MCTP2: variants seen among roughly 807,000 people sequenced by gnomAD.
MCTP2 encodes multiple C2 and transmembrane domain containing 2.
A neutral mutation model predicts 111.6 loss-of-function variants in MCTP2; 132 were observed. That is an observed-to-expected ratio of 1.18 (90% confidence interval 1.03 to 1.37). The LOEUF (loss-of-function observed/expected upper bound fraction) is 1.37, where lower values mean the gene tolerates loss of function less well. MCTP2 is among the 40% of genes most tolerant of loss of function. The pLI, the probability that MCTP2 is intolerant of heterozygous loss-of-function variation, is 0.00. For synonymous variants in MCTP2, 395 were observed against 387.7 expected, an observed-to-expected ratio of 1.02 and a Z score of -0.22; for missense variants, 1,183 against 1,067.9, an observed-to-expected ratio of 1.11 and a Z score of -1.50.
intron 10 of MCTP2, among the ~76,000 whole-genome samples, chr15:94,360,812 T>C (rs2078889213): frequency 6.6e-6 from 1 of 151,882 alleles, no homozygotes; most frequent in Non-Finnish European, 1.5e-5. Context: ...ATACCTGTCT[T>C]GGTGGTCATT....
intron 1 of MCTP2, among the ~76,000 whole-genome samples, chr15:94,254,439 C>T (rs1461796973): frequency 6.6e-6 from 1 of 152,146 alleles, no homozygotes; most frequent in Non-Finnish European, 1.5e-5. Context: ...CCCTTGATTT[C>T]TTCTTACATA....
At chr15:94,439,362 A>G (rs1226683621) in intron 17 of MCTP2, among the ~76,000 whole-genome samples, 2 of 152,060 alleles carry the variant, frequency 1.3e-5, no homozygotes, top group East Asian at 1.9e-4. Context: ...GATAACCACA[A>G]ATTACCTTAT....
intron 4 of MCTP2, 95 bp downstream of exon 4, chr15:94,315,732 A>G (rs1596337133): frequency 1.2e-6 from 1 of 856,468 alleles, no homozygotes; most frequent in Non-Finnish European, 1.9e-6. Flanking sequence ...ACATCACAGC[A>G]TGGTTTAGGA....
intron 8 of MCTP2, among the ~76,000 whole-genome samples, chr15:94,347,919 T>C (rs12916062): frequency 0.22 from 28,743 of 133,670 alleles, 3,155 homozygotes; most frequent in African/African-American, 0.33. Context: ...CACACACACA[T>C]ACACTCCCCA....
intron 8 of MCTP2, among the ~76,000 whole-genome samples, chr15:94,346,955 G>A (rs933290873): frequency 6.6e-6 from 1 of 151,920 alleles, no homozygotes; most frequent in Admixed American, 6.6e-5. Context: ...TTTGACTTCA[G>A]TGCACTGGGC....
At chr15:94,477,709 G>A (rs992026173) in intron 22 of MCTP2, among the ~76,000 whole-genome samples, 7 of 152,240 alleles carry the variant, frequency 4.6e-5, no homozygotes, top group Non-Finnish European at 8.8e-5. Context: ...GATCTGGGGC[G>A]GAAAAGCCTT....
Position 94,470,352 on chromosome 15 carries a change from CCCTT to C in MCTP2, c.2385_2388del (p.Leu796HisfsTer6), listed in dbSNP as rs775229907. On this transcript the variant is annotated frameshift_variant, in exon 21 of 23. Transcript: ENST00000357742. LOFTEE classifies it high-confidence loss of function. ...CTACAGCACATTTAACTGGACGGTC[CCCTT>C]CCTTTCATCTCTGGCCTGTTTGATT... The C allele has an allele frequency of 6.9e-6, 11 of 1,603,464 alleles. No individual in the cohort carries two copies. The highest frequency in any genetic ancestry group is 3.3e-5 in the South Asian group (3 of 90,822).
chr15:94,390,132 ACT>A (rs2080868952), intron 14 of MCTP2, among the ~76,000 whole-genome samples: 3 of 90,416 alleles, frequency 3.3e-5, no homozygotes, highest in African/African-American at 7.6e-5. Context: ...ATATATATAT[ACT>A]TAGATGTTTA....
intron 10 of MCTP2, among the ~76,000 whole-genome samples, chr15:94,362,085 G>T (rs1460246229): frequency 1.3e-5 from 2 of 152,130 alleles, no homozygotes; most frequent in African/African-American, 4.8e-5. Context: ...AGGTGCTTGG[G>T]TAAGATCAAC....
intron 18 of MCTP2, among the ~76,000 whole-genome samples, chr15:94,440,693 C>T (rs1044298491): frequency 1.3e-5 from 2 of 152,192 alleles, no homozygotes; most frequent in Non-Finnish European, 2.9e-5. Flanking sequence ...CTGGCCTTTC[C>T]ATGAAGGCAC....
chr15:94,383,228 A>G (rs2080255238), intron 12 of MCTP2, among the ~76,000 whole-genome samples: 2 of 152,188 alleles, frequency 1.3e-5, no homozygotes, highest in African/African-American at 4.8e-5. Context: ...CCATTTTTAC[A>G]CTTTTTCTCA....
chr15:94,303,946 G>T (rs1353913374), intron 2 of MCTP2, among the ~76,000 whole-genome samples: 2 of 152,182 alleles, frequency 1.3e-5, no homozygotes, highest in South Asian at 2.1e-4. Flanking sequence ...ACAACAGGAA[G>T]AGGAGGTAGA....
At position 94,329,020 on chromosome 15, in the gene MCTP2, C is replaced by A. The variant is rs149767282; in HGVS notation, c.638-10270C>A. Among the ~76,000 whole-genome samples, 752 of 152,232 alleles carry A rather than the reference C, an allele frequency of 4.9e-3. 6 individuals carry two copies. The highest frequency in any genetic ancestry group is 0.017 in the African/African-American group (723 of 41,526). The stretch of plus-strand genomic sequence containing the variant: ...AGTCACTAAGCTTTTTATGTGGAAG[C>A]TCAGGGCTCCAGGCACAAGGGTCCC... On this transcript the variant is annotated intron_variant, in intron 4 of 22. Transcript: ENST00000357742.
chr15:94,449,834 G>C (rs1298872428), intron 19 of MCTP2, among the ~76,000 whole-genome samples: 1 of 152,142 alleles, frequency 6.6e-6, no homozygotes, highest in African/African-American at 2.4e-5. Flanking sequence ...AGCTAAACCA[G>C]CAACTGCCAC....
chr15:94,461,764 T>C (rs2085225756), intron 20 of MCTP2, among the ~76,000 whole-genome samples: 1 of 152,050 alleles, frequency 6.6e-6, no homozygotes, highest in Middle Eastern at 3.2e-3. Flanking sequence ...GCAAGCAGGT[T>C]AAGTGGTTGG....
intron 12 of MCTP2, among the ~76,000 whole-genome samples, chr15:94,381,067 T>C (rs1253490315): frequency 6.6e-6 from 1 of 152,204 alleles, no homozygotes; most frequent in Non-Finnish European, 1.5e-5. Flanking sequence ...GTGAAATGGG[T>C]GGTACAAAGA....
Position 94,467,310 on chromosome 15 carries a change from C to T in MCTP2, c.2361-3023C>T, listed in dbSNP as rs1345943651. Reference sequence around the variant, plus strand: ...TTGCCACCTAGCTATGGATTTATGTCCAGGATCTGCCATCCACTGTGTCTC... The same window carrying T: ...TTGCCACCTAGCTATGGATTTATGTTCAGGATCTGCCATCCACTGTGTCTC... On this transcript the variant is annotated intron_variant, in intron 20 of 22. Transcript: ENST00000357742. Among the ~76,000 whole-genome samples, 3 of 152,064 alleles carry T rather than the reference C, an allele frequency of 2.0e-5. No individual in the cohort carries two copies. The East Asian group carries it at 5.8e-4, about 29-fold the overall frequency.
chr15:94,459,410 C>G (rs1358119003), intron 20 of MCTP2, among the ~76,000 whole-genome samples: 3 of 152,064 alleles, frequency 2.0e-5, no homozygotes, highest in Non-Finnish European at 4.4e-5. Context: ...GTTGCACAGC[C>G]AATGACATTG....
chr15:94,453,339 G>A (rs534745841), intron 19 of MCTP2, among the ~76,000 whole-genome samples: 1 of 152,132 alleles, frequency 6.6e-6, no homozygotes, highest in Non-Finnish European at 1.5e-5. Flanking sequence ...AGCTTTAAAG[G>A]AAAGCTTCTG....
Sources: gnomAD v4.1 joint callset for allele counts (sites outside exome capture counted in the v4.1 genomes callset) on GRCh38, gnomAD v4.1.1 for gene constraint, MANE v1.5 for transcripts, NCBI Gene and HGNC (gene_info 2026-07-23, HGNC 2026-07-21) for gene names.